Variants in NTNG1 observed in about 807,000 individuals in gnomAD.
The protein encoded by NTNG1 is netrin-G1.
NTNG1 carries 16 observed loss-of-function variants against 54.0 expected under a neutral mutation model. The observed-to-expected ratio is 0.30, with a 90% CI of 0.20 to 0.45. The LOEUF (loss-of-function observed/expected upper bound fraction) is 0.45, where lower values mean the gene tolerates loss of function less well. Ranked by LOEUF, NTNG1 falls within the 20% of genes least tolerant of loss-of-function variation. The pLI is 1.00. For synonymous variants in NTNG1, 255 were observed against 263.1 expected (o/e 0.97, Z 0.30); for missense variants, 530 against 678.7 (o/e 0.78, Z 2.43).
At chr1:107,323,139 A>G (rs960648399) in intron 2 of NTNG1, among the ~76,000 whole-genome samples, 1 of 151,988 alleles carries the variant, frequency 6.6e-6, no homozygotes, top group Non-Finnish European at 1.5e-5. Flanking sequence ...AAGAAACCTA[A>G]TTGTAATTAC....
At chr1:107,174,649 A>C (rs1656504192) in intron 2 of NTNG1, among the ~76,000 whole-genome samples, 1 of 152,028 alleles carries the variant, frequency 6.6e-6, no homozygotes, top group African/African-American at 2.4e-5. Flanking sequence ...TCTTAGAGCA[A>C]GGATCTCATT....
At chr1:107,439,412 G>A (rs1675818484) in intron 7 of NTNG1, among the ~76,000 whole-genome samples, 2 of 151,888 alleles carry the variant, frequency 1.3e-5, no homozygotes, top group African/African-American at 4.8e-5. Context: ...TTGTCAGGGA[G>A]GAAAATCGGA....
intron 2 of NTNG1, among the ~76,000 whole-genome samples, chr1:107,187,020 A>G (rs780839562): frequency 2.5e-4 from 38 of 152,302 alleles, no homozygotes; most frequent in Non-Finnish European, 5.0e-4. Context: ...GATGAAGCAC[A>G]GAGTTTAGAA....
intron 2 of NTNG1, among the ~76,000 whole-genome samples, chr1:107,174,359 A>G (rs1656479538): frequency 6.6e-6 from 1 of 152,130 alleles, no homozygotes. Context: ...ACTTTGGCTG[A>G]ATGTTTGCCC....
At chr1:107,328,081 C>G (rs1395267929) in intron 3 of NTNG1, among the ~76,000 whole-genome samples, 1 of 152,060 alleles carries the variant, frequency 6.6e-6, no homozygotes, top group African/African-American at 2.4e-5. Flanking sequence ...ACTTATTTTG[C>G]TTCCATTTAC....
chr1:107,259,133 A>C (rs997817973), intron 2 of NTNG1, among the ~76,000 whole-genome samples: 6 of 152,368 alleles, frequency 3.9e-5, no homozygotes, highest in African/African-American at 1.4e-4. Flanking sequence ...TTTAAAAATC[A>C]TAAAACCATT....
chr1:107,396,937 C>A (rs982519006), intron 4 of NTNG1, among the ~76,000 whole-genome samples: 2 of 152,152 alleles, frequency 1.3e-5, no homozygotes, highest in South Asian at 2.1e-4. Context: ...TTCTTCTACC[C>A]GTAACTGTAC....
intron 3 of NTNG1, among the ~76,000 whole-genome samples, chr1:107,390,625 CAAT>C (rs1408762296): frequency 6.6e-6 from 1 of 152,158 alleles, no homozygotes; most frequent in Non-Finnish European, 1.5e-5. Context: ...TAATTTAGTA[CAAT>C]GTCTATTAAT....
At position 107,208,124 on chromosome 1, in the gene NTNG1, C is replaced by T. The variant is rs149475870; in HGVS notation, c.246+59285C>T. On this transcript the variant is annotated intron_variant, in intron 2 of 7. Coordinates refer to ENST00000370068, the MANE Select transcript of NTNG1 (RefSeq NM_001113226.3). ...AGACACCAGCACATTAAGTTCATAT[C>T]TGATTCATGCAGAAATGGAGGGAGG... Among the ~76,000 whole-genome samples, 968 of 152,248 alleles carry T rather than the reference C, an allele frequency of 6.4e-3. 4 individuals carry two copies. Among genetic ancestry groups the T allele is most frequent in the Middle Eastern group, 0.02 (6 of 294 alleles).
At chr1:107,372,441 G>A (rs1670976641) in intron 3 of NTNG1, among the ~76,000 whole-genome samples, 1 of 151,812 alleles carries the variant, frequency 6.6e-6, no homozygotes, top group African/African-American at 2.4e-5. Flanking sequence ...TTATTTAGAT[G>A]TATATATTTA....
At chr1:107,218,437 G>A (rs544084432) in intron 2 of NTNG1, among the ~76,000 whole-genome samples, 102 of 152,202 alleles carry the variant, frequency 6.7e-4, no homozygotes, top group Non-Finnish European at 1.2e-3. Flanking sequence ...GGAGCATTTA[G>A]GCCATTTACA....
At chr1:107,458,723 C>A (rs1677100978) in intron 7 of NTNG1, among the ~76,000 whole-genome samples, 1 of 152,114 alleles carries the variant, frequency 6.6e-6, no homozygotes, top group Admixed American at 6.6e-5. Context: ...CCATTAATTA[C>A]CATTACCATA....
intron 2 of NTNG1, among the ~76,000 whole-genome samples, chr1:107,293,853 A>G (rs1665778817): frequency 6.6e-6 from 1 of 151,986 alleles, no homozygotes; most frequent in Admixed American, 6.6e-5. Context: ...TGCAGCATTA[A>G]AAGTGGTTAT....
chr1:107,324,674 G>C lies in NTNG1; in HGVS notation c.639G>C (p.Gly213=). 6.2e-7 allele frequency: 1 copy of C among 1,613,604 alleles called. No individual in the cohort carries two copies. The highest frequency in any genetic ancestry group is 8.5e-7 in the Non-Finnish European group (1 of 1,179,782). The part of the protein sequence containing the change: ...EIICTEEYST[G]YTTNSKIIHF... ...TTTGCACAGAAGAGTACTCAACAGG[G>C]TATACAACAAATAGCAAAATAATCC... Residue 213 remains glycine (G), a synonymous_variant, in exon 3 of 8, where the codon GGG becomes GGC. Coordinates refer to ENST00000370068, the MANE Select transcript of NTNG1 (RefSeq NM_001113226.3).
chr1:107,291,534 T>G (rs561525137), intron 2 of NTNG1, among the ~76,000 whole-genome samples: 1 of 152,092 alleles, frequency 6.6e-6, no homozygotes, highest in African/African-American at 2.4e-5. Flanking sequence ...CGTGTGTGTG[T>G]TTTTCATAAA....
In NTNG1 at chr1:107,148,844, G is replaced by C; in HGVS notation, c.246+5G>C. The C allele has an allele frequency of 1.2e-6, 2 of 1,611,766 alleles. No individual in the cohort carries two copies. Among genetic ancestry groups the C allele is most frequent in the Non-Finnish European group, 8.5e-7 (1 of 1,178,314 alleles). On this transcript the variant is annotated splice_donor_5th_base_variant and intron_variant, in intron 2 of 7. Transcript: ENST00000370068. ...CCTGAGACGTTCTGTGCAATGGTGA[G>C]GTAACCCTTTTGCATAAAATATTTC...
Position 107,353,980 on chromosome 1 carries a change from G to A in NTNG1, c.887+29058G>A, listed in dbSNP as rs115980458. ...CTCACTATCATGAAACCAACACCAA[G>A]GGGAAATCAACCCCAATGATCCAAT... On this transcript the variant is annotated intron_variant, in intron 3 of 7. Transcript: ENST00000370068. Among the ~76,000 whole-genome samples, 309 of 152,046 alleles carry A rather than the reference G, an allele frequency of 2.0e-3. 3 individuals carry two copies. Among genetic ancestry groups the A allele is most frequent in the African/African-American group, 7.2e-3 (297 of 41,390 alleles).
chr1:107,364,102 A>T lies in NTNG1; in HGVS notation c.888-31052A>T, dbSNP rs1045413705. 7.1e-4 allele frequency among the ~76,000 whole-genome samples: 108 copies of T among 152,286 alleles called. 1 individual carries two copies. Among genetic ancestry groups the T allele is most frequent in the African/African-American group, 2.6e-3 (106 of 41,560 alleles). ...ACTTATTTTATTGAAAATATGTCAT[A>T]ATGATATTAATAATTTAAGTCACTT... On this transcript the variant is annotated intron_variant, in intron 3 of 7. Coordinates refer to ENST00000370068, the MANE Select transcript of NTNG1 (RefSeq NM_001113226.3).
chr1:107,470,409 G>T (rs57734052), intron 7 of NTNG1, among the ~76,000 whole-genome samples: 10,958 of 152,164 alleles, frequency 0.072, 474 homozygotes, highest in East Asian at 0.22. Flanking sequence ...AATTACTAAA[G>T]TTTATTGCAC....
Sources: allele counts gnomAD v4.1 joint callset (sites outside exome capture counted in the v4.1 genomes callset), GRCh38; gene constraint gnomAD v4.1.1; transcripts MANE v1.5; gene names NCBI Gene and HGNC (gene_info 2026-07-23, HGNC 2026-07-21).